The following WDFY2 variants were observed in gnomAD, a reference collection of about 807,000 sequenced individuals.
WDFY2 encodes WD repeat and FYVE domain-containing protein 2.
Under a neutral mutation model 56.4 loss-of-function variants are expected in WDFY2, and 36 were observed. The observed-to-expected ratio is 0.64, with a 90% CI of 0.49 to 0.84. The LOEUF (loss-of-function observed/expected upper bound fraction) is 0.84. Ranked by LOEUF, WDFY2 falls within the 40% of genes least tolerant of loss-of-function variation. WDFY2 has a pLI of 0.00. For missense variants in WDFY2, 444 were observed against 512.2 expected (o/e 0.87, Z 1.29); for synonymous variants, 176 against 183.7 (o/e 0.96, Z 0.34).
In WDFY2 at chr13:51,699,063, C is replaced by A. The variant is rs149563865; in HGVS notation, c.280-4533C>A. On this transcript the variant is annotated intron_variant, in intron 3 of 11. Transcript: ENST00000298125. ...ACTTGTTTCCTGGGCTCTCTTGGCA[C>A]CTTGTTCCACCCTGAGGCCAAAGCC... Among the ~76,000 whole-genome samples the A allele has an allele frequency of 1.2e-3, 180 of 152,322 alleles. 1 individual carries two copies. Among genetic ancestry groups the A allele is most frequent in the African/African-American group, 4.2e-3 (176 of 41,564 alleles).
At chr13:51,618,630 G>C (rs536090778) in intron 1 of WDFY2, among the ~76,000 whole-genome samples, 1 of 152,340 alleles carries the variant, frequency 6.6e-6, no homozygotes, top group East Asian at 1.9e-4. Context: ...GTATAATGCA[G>C]CTTGCCTACC....
intron 3 of WDFY2, among the ~76,000 whole-genome samples, chr13:51,690,893 T>C (rs866371826): frequency 1.1e-4 from 17 of 152,328 alleles, no homozygotes; most frequent in Middle Eastern, 3.4e-3. Context: ...CCATTCTAAC[T>C]GGTGTGAGAT....
chr13:51,700,921 C>T (rs1165172107), intron 3 of WDFY2, among the ~76,000 whole-genome samples: 4 of 152,114 alleles, frequency 2.6e-5, no homozygotes, highest in Admixed American at 2.0e-4. Context: ...GGGCCAAGAT[C>T]GCACCATTGC....
intron 7 of WDFY2, among the ~76,000 whole-genome samples, chr13:51,742,703 T>A (rs1285903573): frequency 2.0e-5 from 3 of 152,240 alleles, no homozygotes; most frequent in Non-Finnish European, 2.9e-5. Context: ...TAATATAACC[T>A]GACTTAAAGC....
intron 3 of WDFY2, among the ~76,000 whole-genome samples, chr13:51,701,939 T>C (rs933824640): frequency 6.6e-6 from 1 of 152,190 alleles, no homozygotes; most frequent in Non-Finnish European, 1.5e-5. Context: ...TGCTAGTGAA[T>C]TGTTGCTTAG....
At chr13:51,585,743 G>A (rs1017688530) in intron 1 of WDFY2, among the ~76,000 whole-genome samples, 1 of 152,166 alleles carries the variant, frequency 6.6e-6, no homozygotes, top group African/African-American at 2.4e-5. Context: ...ACATAACACG[G>A]GGATTTTACA....
intron 3 of WDFY2, among the ~76,000 whole-genome samples, chr13:51,676,781 C>G (rs1955895080): frequency 6.6e-6 from 1 of 152,006 alleles, no homozygotes; most frequent in South Asian, 2.1e-4. Context: ...TGAGGAGAGC[C>G]ATTTTTAAAA....
At chr13:51,716,401 TCAA>T (rs1433742368) in intron 4 of WDFY2, among the ~76,000 whole-genome samples, 7 of 152,132 alleles carry the variant, frequency 4.6e-5, no homozygotes, top group African/African-American at 9.7e-5. Flanking sequence ...ATTTTAAAAA[TCAA>T]CAAGTGGGCC....
chr13:51,653,634 C>T (rs1443479375), intron 1 of WDFY2, among the ~76,000 whole-genome samples: 1 of 152,226 alleles, frequency 6.6e-6, no homozygotes, highest in East Asian at 1.9e-4. Flanking sequence ...AGTCAGGACC[C>T]TCAGCTGCGG....
At chr13:51,667,954 C>T (rs964767306) in intron 2 of WDFY2, among the ~76,000 whole-genome samples, 10 of 132,500 alleles carry the variant, frequency 7.5e-5, no homozygotes, top group African/African-American at 2.1e-4. Context: ...TGCAGTGGCA[C>T]GATCTCGGCT....
intron 2 of WDFY2, 51 bp from the exon 3 acceptor site, chr13:51,675,119 C>T (rs763270229): frequency 1.4e-5 from 22 of 1,563,156 alleles, no homozygotes; most frequent in East Asian, 1.1e-4. Flanking sequence ...ACTCCTGAGT[C>T]GATGAGAATC....
chr13:51,625,700 T>G (rs1954825003), intron 1 of WDFY2, among the ~76,000 whole-genome samples: 1 of 152,172 alleles, frequency 6.6e-6, no homozygotes, highest in Admixed American at 6.5e-5. Context: ...GCAAAAATAT[T>G]ACTGAGGCCA....
chr13:51,685,951 G>A (rs1223344197), intron 3 of WDFY2, among the ~76,000 whole-genome samples: 1 of 152,118 alleles, frequency 6.6e-6, no homozygotes, highest in East Asian at 1.9e-4. Flanking sequence ...CCATCCAGAA[G>A]TTCGTTCTCC....
At chr13:51,655,485 A>G (rs1052367170) in intron 1 of WDFY2, among the ~76,000 whole-genome samples, 1 of 151,782 alleles carries the variant, frequency 6.6e-6, no homozygotes, top group Non-Finnish European at 1.5e-5. Context: ...GTGCCGTATC[A>G]CATTGATTGA....
At position 51,759,811 on chromosome 13, in the gene WDFY2, A is replaced by G. The variant is rs979699860; in HGVS notation, c.*42A>G. The G allele has an allele frequency of 2.5e-6, 4 of 1,607,574 alleles. No individual in the cohort carries two copies. The Admixed American group carries it at 6.7e-5, about 27-fold the overall frequency. On this transcript the variant is annotated 3_prime_UTR_variant, in exon 12 of 12. Coordinates refer to ENST00000298125, the MANE Select transcript of WDFY2 (RefSeq NM_052950.4). ...CAGAAAGATAGTATTTACTAAAGAA[A>G]CGGTTGTTTTAACCCAAATCATTAC...
intron 1 of WDFY2, among the ~76,000 whole-genome samples, chr13:51,640,767 T>G (rs751748735): frequency 8.0e-5 from 12 of 150,714 alleles, no homozygotes; most frequent in Non-Finnish European, 1.2e-4. Flanking sequence ...GGAGAATCGC[T>G]TGAACCCAGG....
At chr13:51,585,128 A>G (rs1431762858) in intron 1 of WDFY2, among the ~76,000 whole-genome samples, 1 of 152,142 alleles carries the variant, frequency 6.6e-6, no homozygotes, top group Non-Finnish European at 1.5e-5. Context: ...ATCCCTGAGG[A>G]CAGGAGGGAA....
intron 7 of WDFY2, among the ~76,000 whole-genome samples, chr13:51,746,844 T>C (rs1457093728): frequency 6.6e-6 from 1 of 152,246 alleles, no homozygotes; most frequent in African/African-American, 2.4e-5. Context: ...AATTTCCCTC[T>C]TCTGTTCATT....
rs192965620 is a variant in WDFY2 at position 51,670,397 on chromosome 13, C to T, written c.206-4773C>T. On this transcript the variant is annotated intron_variant, in intron 2 of 11. Transcript: ENST00000298125. Reference sequence around the variant, plus strand: ...ATCGGCTCTCTGCTTCTTTGATCTACCAGGGGCCAATCCAAGGCCTGTTCC... The same window carrying T: ...ATCGGCTCTCTGCTTCTTTGATCTATCAGGGGCCAATCCAAGGCCTGTTCC... Among the ~76,000 whole-genome samples, 185 of 151,952 alleles carry T rather than the reference C, an allele frequency of 1.2e-3. 1 individual carries two copies. The highest frequency in any genetic ancestry group is 4.2e-3 in the African/African-American group (172 of 41,432).
Sources: gnomAD v4.1 joint callset for allele counts (sites outside exome capture counted in the v4.1 genomes callset) on GRCh38, gnomAD v4.1.1 for gene constraint, MANE v1.5 for transcripts, NCBI Gene and HGNC (gene_info 2026-07-23, HGNC 2026-07-21) for gene names.